Variants in SMOX observed in about 807,000 individuals in gnomAD.
SMOX encodes the protein flavin containing amine oxidase.
Under a neutral mutation model 51.0 loss-of-function variants are expected in SMOX, and 22 were observed. The observed-to-expected ratio is 0.43, with a 90% confidence interval of 0.31 to 0.62. The LOEUF (loss-of-function observed/expected upper bound fraction) is 0.62, where lower values mean the gene tolerates loss of function less well. Ranked by LOEUF, SMOX falls within the 20% of genes least tolerant of loss-of-function variation. The pLI, the probability that SMOX is intolerant of heterozygous loss-of-function variation, is 0.10. For missense variants in SMOX, 566 were observed against 777.7 expected (o/e 0.73, Z 3.24); for synonymous variants, 282 against 307.8 (o/e 0.92, Z 0.88).
intron 3 of SMOX, among the ~76,000 whole-genome samples, chr20:4,180,529 A>C (rs1355483102): frequency 1.3e-5 from 2 of 152,208 alleles, no homozygotes; most frequent in African/African-American, 4.8e-5. Flanking sequence ...AGCTGTGGGC[A>C]TGTGATCCTG....
intron 6 of SMOX, among the ~76,000 whole-genome samples, chr20:4,186,291 G>T (rs1462393628): frequency 1.3e-5 from 2 of 152,196 alleles, no homozygotes; most frequent in Non-Finnish European, 2.9e-5. Flanking sequence ...TGGGGCAATA[G>T]AGTGAGACAC....
intron 1 of SMOX, among the ~76,000 whole-genome samples, chr20:4,174,129 G>T (rs972139498): frequency 1.3e-5 from 2 of 152,206 alleles, no homozygotes; most frequent in African/African-American, 2.4e-5. Context: ...TGCAGGCCTC[G>T]TGGCACTTTC....
At chr20:4,161,936 G>A (rs1211874059) in intron 1 of SMOX, among the ~76,000 whole-genome samples, 2 of 152,218 alleles carry the variant, frequency 1.3e-5, no homozygotes, top group African/African-American at 2.4e-5. Context: ...ACCCTAGGCC[G>A]GGAACGTGCC....
At position 4,177,226 on chromosome 20, in the gene SMOX, G is replaced by T; in HGVS notation, c.209-125G>T. The T allele has an allele frequency of 1.2e-6, 1 of 848,982 alleles. No individual in the cohort carries two copies. Among genetic ancestry groups the T allele is most frequent in the Middle Eastern group, 2.7e-4 (1 of 3,684 alleles). 52.6% of individuals were successfully genotyped at this position (848,982 alleles called of 1,614,324 possible). On this transcript the variant is annotated intron_variant, in intron 2 of 6. Transcript: ENST00000305958. The surrounding 1 kb of genome is among the most constrained non-coding windows in gnomAD (Gnocchi z 4.3). The stretch of plus-strand genomic sequence containing the variant: ...CCTTCGTTGGTTGCCAGCAGTGGAA[G>T]TTCAAGCTCTTTCCTGCCCTGTTGT...
intron 1 of SMOX, among the ~76,000 whole-genome samples, chr20:4,154,377 TCTTTC>T (rs1985903280): frequency 7.3e-6 from 1 of 136,750 alleles, no homozygotes; most frequent in Admixed American, 7.1e-5. Flanking sequence ...TTTCTTTCTT[TCTTTC>T]TTTCTTTTTT....
In SMOX at chr20:4,181,817, C is replaced by T. The variant is rs1316968213; in HGVS notation, c.450C>T (p.Thr150=). Residue 150 remains threonine (T), a synonymous_variant, in exon 4 of 7, where the codon ACC becomes ACT. Transcript: ENST00000305958. This position sits in a 1 kb window ranked among gnomAD's most constrained non-coding sequence, Gnocchi z 5.6. ...CTCTCTGGCAGGTCTATAACTTGAC[C>T]CAGGAGTTCTTCCGGCACGATAAAC... ...SDLYNEVYNL[T]QEFFRHDKPV... 2 of 1,613,878 alleles carry T rather than the reference C, an allele frequency of 1.2e-6. No individual in the cohort carries two copies. Among genetic ancestry groups the T allele is most frequent in the Admixed American group, 1.7e-5 (1 of 59,994 alleles).
chr20:4,155,077 C>A (rs1341591300), intron 1 of SMOX, among the ~76,000 whole-genome samples: 3 of 152,120 alleles, frequency 2.0e-5, no homozygotes, highest in Non-Finnish European at 4.4e-5. Context: ...GGGTGACATG[C>A]AGACAGCACG....
intron 1 of SMOX, among the ~76,000 whole-genome samples, chr20:4,150,319 T>C (rs1985673214): frequency 6.6e-6 from 1 of 152,136 alleles, no homozygotes; most frequent in Non-Finnish European, 1.5e-5. Context: ...TCCCACCCCT[T>C]CACTGAAACA....
intron 1 of SMOX, among the ~76,000 whole-genome samples, chr20:4,168,357 G>A (rs1986661770): frequency 6.6e-6 from 1 of 152,170 alleles, no homozygotes; most frequent in Non-Finnish European, 1.5e-5. Context: ...TTCAGCTGGT[G>A]GAGTCCTGGG....
At chr20:4,186,851 G>A (rs745627790) in intron 6 of SMOX, 3 of 779,084 alleles carry the variant, frequency 3.9e-6, no homozygotes, top group East Asian at 2.4e-5. Flanking sequence ...AATTACCACC[G>A]ACTTTATTGA....
At chr20:4,169,701 C>T (rs6139347) in intron 1 of SMOX, among the ~76,000 whole-genome samples, 4,436 of 152,120 alleles carry the variant, frequency 0.029, 244 homozygotes, top group East Asian at 0.22. Flanking sequence ...AGAACCAGTA[C>T]GAGGGACTCA....
chr20:4,177,536 CCCAA>C lies in SMOX; in HGVS notation c.395_398del (p.Pro132ArgfsTer17). The C allele has an allele frequency of 6.3e-7, 1 of 1,596,606 alleles. No individual in the cohort carries two copies. Among genetic ancestry groups the C allele is most frequent in the Non-Finnish European group, 8.5e-7 (1 of 1,170,722 alleles). The stretch of plus-strand genomic sequence containing the variant: ...CCTTACCAACCACGGCCGCAGGATC[CCCAA>C]GGACGTGGTTGAGGAATTCAGCGAT... On this transcript the variant is annotated frameshift_variant, in exon 3 of 7. Transcript: ENST00000305958. LOFTEE classifies it high-confidence loss of function. This position sits in a 1 kb window ranked among gnomAD's most constrained non-coding sequence, Gnocchi z 4.3.
chr20:4,175,198 T>C lies in SMOX; in HGVS notation c.143T>C (p.Phe48Ser). ...AAAKALLEQGFTDVTVLEASS... is the reference protein window; with the variant it reads ...AAAKALLEQGSTDVTVLEASS... ...GCCAAAGCACTTCTTGAGCAGGGTT[T>C]CACGGATGTCACTGTGCTTGAGGCT... The change falls in exon 2 of 7, where the codon TTC (phenylalanine) becomes TCC (serine). Residue 48 changes from phenylalanine to serine, a missense_variant. By Grantham distance (155) the Phe-to-Ser change is radical. Coordinates refer to ENST00000305958, the MANE Select transcript of SMOX (RefSeq NM_175839.3). 6.2e-7 allele frequency: 1 copy of C among 1,614,214 alleles called. No homozygotes were observed. Among genetic ancestry groups the C allele is most frequent in the Non-Finnish European group, 8.5e-7 (1 of 1,180,038 alleles).
At chr20:4,152,544 G>A (rs1434223865) in intron 1 of SMOX, among the ~76,000 whole-genome samples, 1 of 152,088 alleles carries the variant, frequency 6.6e-6, no homozygotes, top group African/African-American at 2.4e-5. Flanking sequence ...GTAACACCGC[G>A]ACGTGGGTGC....
intron 1 of SMOX, among the ~76,000 whole-genome samples, chr20:4,154,450 A>C (rs1187442561): frequency 6.6e-6 from 1 of 150,910 alleles, no homozygotes; most frequent in African/African-American, 2.5e-5. Context: ...ATCTCGGCTC[A>C]CTGCAACCTT....
chr20:4,187,218 C>T lies in SMOX; in HGVS notation c.1531-52C>T. On this transcript the variant is annotated intron_variant, in intron 6 of 6. Transcript: ENST00000305958. The surrounding 1 kb of genome is among the most constrained non-coding windows in gnomAD (Gnocchi z 4.8). ...TGGTGGAGAGGGGTGGCCTTGTGGC[C>T]TTCTGGCCTTTGCTGCTCCTCCACC... 6.3e-7 allele frequency: 1 copy of T among 1,576,620 alleles called. No individual in the cohort carries two copies. Among genetic ancestry groups the T allele is most frequent in the Non-Finnish European group, 8.6e-7 (1 of 1,157,582 alleles).
chr20:4,168,406 A>G (rs1441995056), intron 1 of SMOX, among the ~76,000 whole-genome samples: 2 of 152,072 alleles, frequency 1.3e-5, no homozygotes, highest in Admixed American at 6.5e-5. Flanking sequence ...AGGTGGGCCA[A>G]TTTCCTGGGA....
chr20:4,150,041 C>G (rs900048099), intron 1 of SMOX, among the ~76,000 whole-genome samples: 13 of 152,320 alleles, frequency 8.5e-5, no homozygotes, highest in African/African-American at 2.6e-4. Context: ...CTCCAAGGTC[C>G]TCTCCCTGTC....
In SMOX at chr20:4,182,522, G is replaced by A. The variant is rs1979415334; in HGVS notation, c.1043G>A (p.Gly348Asp). The A allele has an allele frequency of 6.2e-7, 1 of 1,612,270 alleles. No individual in the cohort carries two copies. Among genetic ancestry groups the A allele is most frequent in the African/African-American group, 1.3e-5 (1 of 74,882 alleles). ...KRQYTSFFRPGLPTEKVAAIH... is the reference protein window; with the variant it reads ...KRQYTSFFRPDLPTEKVAAIH... ...CAGTACACCAGTTTCTTCCGGCCAGGCCTGCCCACAGAGAAGGTGGCTGCC... is the reference window on the plus strand; with the variant it reads ...CAGTACACCAGTTTCTTCCGGCCAGACCTGCCCACAGAGAAGGTGGCTGCC... Residue 348 changes from glycine to aspartate, a missense_variant, in exon 5 of 7, where the codon GGC (glycine) becomes GAC (aspartate). By Grantham distance (94) the Gly-to-Asp change is moderately conservative. Transcript: ENST00000305958. The surrounding 1 kb of genome is among the most constrained non-coding windows in gnomAD (Gnocchi z 8.4).
Sources: gnomAD v4.1 joint callset for allele counts (sites outside exome capture counted in the v4.1 genomes callset) on GRCh38, gnomAD v4.1.1 for gene constraint, Gnocchi (gnomAD v3.1) non-coding constraint, MANE v1.5 for transcripts, NCBI Gene and HGNC (gene_info 2026-07-23, HGNC 2026-07-21) for gene names.